TBC1D4: variants seen among roughly 807,000 people sequenced by gnomAD.
The protein encoded by TBC1D4 is TBC (Tre-2, BUB2, CDC16) domain-containing protein.
TBC1D4 carries 121 observed loss-of-function variants against 142.5 expected under a neutral mutation model. The ratio of observed to expected loss-of-function variants is 0.85; its 90% CI spans 0.73 to 0.99. TBC1D4 has a LOEUF of 0.99. Ranked by LOEUF, TBC1D4 falls within the 50% of genes least tolerant of loss-of-function variation. The probability of loss-of-function intolerance (pLI) is 0.00; values close to 1 mark genes in which losing one functional copy is unlikely to be tolerated. For missense variants in TBC1D4, 1,475 were observed against 1,606.6 expected (o/e 0.92, Z 1.40); for synonymous variants, 630 against 628.2 (o/e 1.00, Z -0.04).
chr13:75,398,504 C>G (rs1035930588), intron 1 of TBC1D4, among the ~76,000 whole-genome samples: 2 of 152,094 alleles, frequency 1.3e-5, no homozygotes, highest in Non-Finnish European at 2.9e-5. Flanking sequence ...ATGTACACAA[C>G]AGAGAGAGTA....
chr13:75,373,067 T>G (rs1412774933), intron 1 of TBC1D4, among the ~76,000 whole-genome samples: 1 of 152,212 alleles, frequency 6.6e-6, no homozygotes, highest in Non-Finnish European at 1.5e-5. Flanking sequence ...AAGCAAGGCT[T>G]AATTGTGCAA....
At chr13:75,357,558 C>CA (rs1329893955) in intron 3 of TBC1D4, among the ~76,000 whole-genome samples, 4 of 152,184 alleles carry the variant, frequency 2.6e-5, no homozygotes, top group Admixed American at 2.6e-4. Context: ...ACTTGCTTAG[C>CA]ACTAAATGGG....
In TBC1D4 at chr13:75,364,078, G is replaced by C. The variant is rs554429784; in HGVS notation, c.499-1471C>G. 1.5e-4 allele frequency among the ~76,000 whole-genome samples: 23 copies of C among 152,256 alleles called. No homozygotes were observed. In the East Asian group the frequency reaches 4.1e-3, roughly 27 times the overall value. ...CCACAAAGGTGGGAGAACTCAAAGG[G>C]GCAGGGTGGGGAGTGTGCATGGTGG... On this transcript the variant is annotated intron_variant, in intron 1 of 20. Coordinates refer to ENST00000377636, the MANE Select transcript of TBC1D4 (RefSeq NM_014832.5).
intron 1 of TBC1D4, among the ~76,000 whole-genome samples, chr13:75,460,193 G>A (rs1323498209): frequency 6.6e-6 from 1 of 152,072 alleles, no homozygotes; most frequent in Non-Finnish European, 1.5e-5. Flanking sequence ...TAGTCATTGT[G>A]TTAGATGCTA....
At chr13:75,349,954 G>A (rs1259650717) in intron 4 of TBC1D4, among the ~76,000 whole-genome samples, 1 of 152,134 alleles carries the variant, frequency 6.6e-6, no homozygotes. Flanking sequence ...CCAGCAGCTT[G>A]CAAACTACCA....
At position 75,323,067 on chromosome 13, in the gene TBC1D4, A is replaced by G. The variant is rs562827264; in HGVS notation, c.2198+1170T>C. On this transcript the variant is annotated intron_variant, in intron 11 of 20. Coordinates refer to ENST00000377636, the MANE Select transcript of TBC1D4 (RefSeq NM_014832.5). ...ACATGGACAAAAGACCCTCAGGAAT[A>G]ATTCAAGGATTAGTCTACTTTAACT... 1.8e-4 allele frequency among the ~76,000 whole-genome samples: 28 copies of G among 152,318 alleles called. No homozygotes were observed. The South Asian group carries it at 3.9e-3, about 21-fold the overall frequency.
At chr13:75,391,459 T>C (rs1884485684) in intron 1 of TBC1D4, among the ~76,000 whole-genome samples, 2 of 152,112 alleles carry the variant, frequency 1.3e-5, no homozygotes. Flanking sequence ...AACGGTTAAT[T>C]CCCAGTCCCT....
chr13:75,368,428 T>G (rs1309081574), intron 1 of TBC1D4, among the ~76,000 whole-genome samples: 4 of 152,220 alleles, frequency 2.6e-5, no homozygotes, highest in Non-Finnish European at 5.9e-5. Context: ...CAAGACAGTT[T>G]CCTCTCAGAC....
intron 1 of TBC1D4, among the ~76,000 whole-genome samples, chr13:75,421,244 C>T (rs1008233475): frequency 2.0e-5 from 3 of 152,158 alleles, no homozygotes; most frequent in Admixed American, 1.3e-4. Context: ...CCTCACAAAG[C>T]CTTTTTGGAC....
intron 1 of TBC1D4, 64 bp downstream of exon 1, chr13:75,481,205 TC>T: frequency 2.8e-6 from 2 of 710,730 alleles, no homozygotes; most frequent in Non-Finnish European, 4.4e-6. Flanking sequence ...TCCCCGCCCC[TC>T]CCGCCCTGCT....
chr13:75,391,254 CT>C (rs1884472818), intron 1 of TBC1D4, among the ~76,000 whole-genome samples: 2 of 151,424 alleles, frequency 1.3e-5, no homozygotes, highest in South Asian at 2.1e-4. Context: ...TAAAAGAATT[CT>C]TTTGACCCCA....
intron 3 of TBC1D4, among the ~76,000 whole-genome samples, chr13:75,357,276 A>G (rs1278721676): frequency 6.6e-6 from 1 of 152,202 alleles, no homozygotes; most frequent in East Asian, 1.9e-4. Flanking sequence ...AATTCCTGTA[A>G]AAAGAAAAAG....
At chr13:75,466,550 T>C (rs1772997960) in intron 1 of TBC1D4, among the ~76,000 whole-genome samples, 1 of 152,180 alleles carries the variant, frequency 6.6e-6, no homozygotes, top group Admixed American at 6.5e-5. Flanking sequence ...TGTAATTCTC[T>C]TTCACGGTAG....
intron 1 of TBC1D4, among the ~76,000 whole-genome samples, chr13:75,445,757 C>G (rs899834282): frequency 1.3e-5 from 2 of 152,206 alleles, no homozygotes; most frequent in Non-Finnish European, 2.9e-5. Context: ...TTACCATTCA[C>G]ACTACTCCCT....
chr13:75,341,984 C>T (rs540317222), intron 5 of TBC1D4, among the ~76,000 whole-genome samples: 32 of 152,296 alleles, frequency 2.1e-4, no homozygotes, highest in African/African-American at 7.5e-4. Flanking sequence ...GGACTGTGTG[C>T]GTTCTGACAA....
intron 1 of TBC1D4, among the ~76,000 whole-genome samples, chr13:75,397,952 T>C (rs1884883307): frequency 6.6e-6 from 1 of 152,218 alleles, no homozygotes. Context: ...TCCACTTTCC[T>C]ACTCTGAAAA....
rs193217652 is a variant in TBC1D4 at position 75,470,358 on chromosome 13, C to T, written c.498+10912G>A. Among the ~76,000 whole-genome samples the T allele has an allele frequency of 8.3e-4, 126 of 152,196 alleles. 1 individual carries two copies. Among genetic ancestry groups the T allele is most frequent in the South Asian group, 2.3e-3 (11 of 4,814 alleles). ...GTTTTGCCAACCCACTGTCTACTGC[C>T]GTATTGTCAAAGTGTGGGCACCAGA... On this transcript the variant is annotated intron_variant, in intron 1 of 20. Transcript: ENST00000377636.
chr13:75,340,993 G>A lies in TBC1D4; in HGVS notation c.1611+132C>T, dbSNP rs187808878. 6.8e-4 allele frequency: 519 copies of A among 758,982 alleles called. 3 individuals are homozygous for A. Among genetic ancestry groups the A allele is most frequent in the East Asian group, 2.3e-3 (87 of 38,090 alleles). 47.0% of individuals were successfully genotyped at this position (758,982 alleles called of 1,614,324 possible). A position where few individuals can be genotyped will look rare whatever the true frequency, so the allele number is the denominator to read the frequency against. Reference sequence around the variant, plus strand: ...CTATAAAACTATTAAAATGCTGGGCGGGGGAGTGAGGGGGTAGTTCAGGAA... The same window carrying A: ...CTATAAAACTATTAAAATGCTGGGCAGGGGAGTGAGGGGGTAGTTCAGGAA... On this transcript the variant is annotated intron_variant, in intron 7 of 20. Coordinates refer to ENST00000377636, the MANE Select transcript of TBC1D4 (RefSeq NM_014832.5).
At chr13:75,426,231 T>C (rs1886365134) in intron 1 of TBC1D4, among the ~76,000 whole-genome samples, 2 of 152,058 alleles carry the variant, frequency 1.3e-5, no homozygotes, top group African/African-American at 2.4e-5. Context: ...CAAAATACAA[T>C]GAGATACCAC....
Sources: allele counts gnomAD v4.1 joint callset (sites outside exome capture counted in the v4.1 genomes callset), GRCh38; gene constraint gnomAD v4.1.1; transcripts MANE v1.5; gene names NCBI Gene and HGNC (gene_info 2026-07-23, HGNC 2026-07-21).